ADGRL3: variants seen among roughly 807,000 people sequenced by gnomAD.
The protein encoded by ADGRL3 is adhesion G protein-coupled receptor L3.
In ADGRL3, 62 loss-of-function variants were observed where a neutral mutation model predicts 153.5. The ratio of observed to expected loss-of-function variants is 0.40; its 90% CI spans 0.33 to 0.50. ADGRL3 has a LOEUF of 0.50. Ranked by LOEUF, ADGRL3 falls within the 20% of genes least tolerant of loss-of-function variation. The pLI, the probability that ADGRL3 is intolerant of heterozygous loss-of-function variation, is 0.47. For missense variants in ADGRL3, 1,641 were observed against 1,859.4 expected (o/e 0.88, Z 2.16); for synonymous variants, 710 against 672.5 (o/e 1.06, Z -0.86).
intron 1 of ADGRL3, among the ~76,000 whole-genome samples, chr4:61,237,742 A>G (rs957310569): frequency 6.6e-5 from 10 of 152,084 alleles, no homozygotes; most frequent in African/African-American, 2.4e-4. Context: ...AAACTGCAAC[A>G]TTTATTTTGA....
chr4:61,481,250 A>T (rs1490225724), intron 2 of ADGRL3, among the ~76,000 whole-genome samples: 4 of 152,214 alleles, frequency 2.6e-5, no homozygotes, highest in Non-Finnish European at 5.9e-5. Context: ...CATGCAGTGA[A>T]TATAGAACAG....
intron 1 of ADGRL3, among the ~76,000 whole-genome samples, chr4:61,219,744 C>G (rs548098977): frequency 9.2e-5 from 14 of 152,306 alleles, no homozygotes; most frequent in African/African-American, 3.4e-4. Context: ...TGTCATCTCT[C>G]TCTTATGGCA....
intron 9 of ADGRL3, among the ~76,000 whole-genome samples, chr4:61,822,570 GA>G (rs2097765668): frequency 6.6e-6 from 1 of 152,160 alleles, no homozygotes. Context: ...GAATAAGTAT[GA>G]GGGTTTTGCA....
At chr4:61,453,558 C>A (rs925614991) in intron 2 of ADGRL3, among the ~76,000 whole-genome samples, 3 of 151,946 alleles carry the variant, frequency 2.0e-5, no homozygotes, top group Non-Finnish European at 4.4e-5. Context: ...GGGTTAAAAT[C>A]AAAACAATCA....
At chr4:61,824,722 A>T (rs148429930) in intron 9 of ADGRL3, among the ~76,000 whole-genome samples, 111 of 152,266 alleles carry the variant, frequency 7.3e-4, no homozygotes, top group African/African-American at 2.6e-3. Context: ...GGCATACTCA[A>T]CATAACACAT....
chr4:61,275,227 C>CT (rs2093403922), intron 1 of ADGRL3, among the ~76,000 whole-genome samples: 1 of 152,104 alleles, frequency 6.6e-6, no homozygotes, highest in African/African-American at 2.4e-5. Flanking sequence ...GTGATTCACT[C>CT]TTTTGTATTA....
intron 19 of ADGRL3, 113 bp from the exon 20 acceptor site, chr4:61,996,178 G>C (rs1032491071): frequency 7.4e-6 from 5 of 675,218 alleles, no homozygotes; most frequent in Non-Finnish European, 1.3e-5. Flanking sequence ...AATATTTCCT[G>C]TCTCCCAGTG....
intron 10 of ADGRL3, among the ~76,000 whole-genome samples, chr4:61,894,351 G>T (rs2149628064): frequency 6.6e-6 from 1 of 151,860 alleles, no homozygotes; most frequent in Middle Eastern, 3.4e-3. Context: ...AGGGTATCTT[G>T]GTTTTTATAA....
At chr4:61,917,833 G>A (rs2149928307) in intron 13 of ADGRL3, among the ~76,000 whole-genome samples, 1 of 152,306 alleles carries the variant, frequency 6.6e-6, no homozygotes, top group Middle Eastern at 3.4e-3. Flanking sequence ...AAATATTCCT[G>A]TTGGTGATGA....
intron 9 of ADGRL3, among the ~76,000 whole-genome samples, chr4:61,863,585 T>TGGACATTTAAAAGA (rs2098370928): frequency 6.6e-6 from 1 of 152,180 alleles, no homozygotes; most frequent in Non-Finnish European, 1.5e-5. Flanking sequence ...TTTAGGAAAG[T>TGGACATTTAAAAGA]GGACATTTAT....
chr4:61,809,177 C>T (rs1335297184), intron 8 of ADGRL3, among the ~76,000 whole-genome samples: 2 of 151,704 alleles, frequency 1.3e-5, no homozygotes, highest in Non-Finnish European at 2.9e-5. Flanking sequence ...TAGAAAATGG[C>T]GAAAAGTTGA....
rs1430022142 is a variant in ADGRL3 at position 61,221,824 on chromosome 4, G to A, written c.-240+20059G>A. Among the ~76,000 whole-genome samples, 3 of 151,994 alleles carry A rather than the reference G, an allele frequency of 2.0e-5. No homozygotes were observed. In the East Asian group the frequency reaches 5.8e-4, roughly 29 times the overall value. ...GTTGCAAAGTTGTTATTTAATCAAA[G>A]ATAAAAAATATTCGCAATATAGTTT... is the stretch of plus-strand genomic sequence containing the variant. On this transcript the variant is annotated intron_variant, in intron 1 of 26. Coordinates refer to ENST00000683033, the MANE Select transcript of ADGRL3 (RefSeq NM_001387552.1).
Position 61,331,621 on chromosome 4 carries a change from A to T in ADGRL3, c.-239-51503A>T, listed in dbSNP as rs539207646. On this transcript the variant is annotated intron_variant, in intron 1 of 26. Coordinates refer to ENST00000683033, the MANE Select transcript of ADGRL3 (RefSeq NM_001387552.1). ...ATTATTTTCCAATTTAGGCTTTCAA[A>T]CTTGTTTGAGGTGATTTTGCCATAT... Among the ~76,000 whole-genome samples the T allele has an allele frequency of 2.4e-3, 366 of 152,144 alleles. 2 individuals carry two copies. Among genetic ancestry groups the T allele is most frequent in the African/African-American group, 8.2e-3 (342 of 41,530 alleles).
At chr4:62,051,137 A>T (rs2151757055) in intron 25 of ADGRL3, among the ~76,000 whole-genome samples, 1 of 138,670 alleles carries the variant, frequency 7.2e-6, no homozygotes, top group Admixed American at 7.9e-5. Context: ...ATGTGTGTAT[A>T]TATATATACA....
intron 8 of ADGRL3, chr4:61,775,832 C>G: frequency 1.8e-6 from 1 of 570,686 alleles, no homozygotes; most frequent in South Asian, 2.8e-5. Flanking sequence ...CTTCCAGCAG[C>G]AATACCTTCC....
intron 2 of ADGRL3, among the ~76,000 whole-genome samples, chr4:61,422,003 G>T (rs780105707): frequency 6.6e-6 from 1 of 152,018 alleles, no homozygotes; most frequent in African/African-American, 2.4e-5. Flanking sequence ...AATACCACAA[G>T]TTGTGTGAAC....
At chr4:61,612,916 A>C (rs1205221303) in intron 5 of ADGRL3, among the ~76,000 whole-genome samples, 1 of 152,168 alleles carries the variant, frequency 6.6e-6, no homozygotes, top group African/African-American at 2.4e-5. Flanking sequence ...TGTCTACATA[A>C]GGGGAGAAAA....
At chr4:61,388,886 T>G (rs2096771359) in intron 2 of ADGRL3, among the ~76,000 whole-genome samples, 2 of 152,178 alleles carry the variant, frequency 1.3e-5, no homozygotes, top group Admixed American at 6.5e-5. Context: ...CACATTCCCA[T>G]TTAAAATGGA....
intron 4 of ADGRL3, among the ~76,000 whole-genome samples, chr4:61,578,107 A>G (rs994594715): frequency 2.5e-4 from 38 of 152,078 alleles, no homozygotes; most frequent in Non-Finnish European, 2.6e-4. Context: ...AAGATTATAC[A>G]ACTGATTATT....
Sources: gnomAD v4.1 joint callset for allele counts (sites outside exome capture counted in the v4.1 genomes callset) on GRCh38, gnomAD v4.1.1 for gene constraint, MANE v1.5 for transcripts, NCBI Gene and HGNC (gene_info 2026-07-23, HGNC 2026-07-21) for gene names.